Variants in ENOX2 observed in about 807,000 individuals in gnomAD.
The protein encoded by ENOX2 is APK1 antigen.
Under a neutral mutation model 45.0 loss-of-function variants are expected in ENOX2, and 36 were observed. The observed-to-expected ratio is 0.80, with a 90% CI of 0.61 to 1.06. The LOEUF (loss-of-function observed/expected upper bound fraction) is 1.06, where lower values mean the gene tolerates loss of function less well. Ranked by LOEUF, ENOX2 falls within the 50% of genes least tolerant of loss-of-function variation. ENOX2 has a pLI of 0.00. For synonymous variants in ENOX2, 174 were observed against 152.3 expected (o/e 1.14, Z -1.05); for missense variants, 423 against 462.5 (o/e 0.91, Z 0.78).
chrX:130,669,968 T>C lies in ENOX2; in HGVS notation c.691A>G (p.Lys231Glu), dbSNP rs868080062. 1 of 1,194,506 alleles carries C rather than the reference T, an allele frequency of 8.4e-7. No individual in the cohort carries two copies. Among genetic ancestry groups the C allele is most frequent in the African/African-American group, 1.8e-5 (1 of 57,089 alleles). ...HECSIVAEKL[K>E]DDSKFSEAVQ... The stretch of plus-strand genomic sequence containing the variant: ...GAAGCTTGAGTGCCTTTGATACCTT[T>C]TAATTTTTCAGCAACAATGCTGCAT... The change falls in exon 7 of 15, where the codon AAA (lysine) becomes GAA (glutamate). Residue 231 changes from lysine (K) to glutamate (E), a missense_variant. Physicochemically the swap from Lys to Glu is moderately conservative, Grantham distance 56. Around this residue, in one of 5 missense-constraint regions of ENOX2, gnomAD observed 261 missense variants for 306.8 expected, o/e 0.85. Coordinates refer to ENST00000394363, the MANE Select transcript of ENOX2 (RefSeq NM_006375.4).
At chrX:130,629,814 C>T (rs1463351716) in intron 13 of ENOX2, among the ~76,000 whole-genome samples, 1 of 111,924 alleles carries the variant, frequency 8.9e-6, no homozygotes, top group Non-Finnish European at 1.9e-5. Context: ...TAAGACCAGT[C>T]ACTCTTAAAT....
intron 3 of ENOX2, among the ~76,000 whole-genome samples, chrX:130,737,270 C>T (rs149792327): frequency 5.3e-5 from 6 of 112,265 alleles, no homozygotes; most frequent in Admixed American, 9.4e-5. Context: ...AAGAGCACCA[C>T]GATACCCAGA....
chrX:130,704,447 T>C (rs921367794), intron 3 of ENOX2, among the ~76,000 whole-genome samples: 1 of 111,530 alleles, frequency 9.0e-6, no homozygotes, highest in African/African-American at 3.3e-5. Context: ...GGGAGAGATA[T>C]AGTCATGAGT....
intron 10 of ENOX2, among the ~76,000 whole-genome samples, chrX:130,648,561 T>C (rs1305432097): frequency 8.9e-6 from 1 of 112,135 alleles, no homozygotes; most frequent in Non-Finnish European, 1.9e-5. Flanking sequence ...AAAGAACTTG[T>C]GCATTACCAA....
At chrX:130,725,231 C>T (rs887064974) in intron 3 of ENOX2, among the ~76,000 whole-genome samples, 24 of 109,338 alleles carry the variant, frequency 2.2e-4, no homozygotes, top group Admixed American at 2.1e-3. Context: ...TTTAAAATTG[C>T]TTCCCAGTCA....
At chrX:130,755,924 C>T (rs749228709) in intron 3 of ENOX2, among the ~76,000 whole-genome samples, 59 of 111,172 alleles carry the variant, frequency 5.3e-4, no homozygotes, top group Middle Eastern at 4.6e-3. Flanking sequence ...TCACTATCTT[C>T]ATGAGCATGA....
At chrX:130,891,692 G>C (rs899755113) in intron 2 of ENOX2, among the ~76,000 whole-genome samples, 5 of 108,405 alleles carry the variant, frequency 4.6e-5, no homozygotes, top group Non-Finnish European at 7.6e-5. Flanking sequence ...TACAGTACTT[G>C]ACTGGTACTG....
At chrX:130,632,405 C>T (rs1286905270) in intron 12 of ENOX2, among the ~76,000 whole-genome samples, 1 of 92,399 alleles carries the variant, frequency 1.1e-5, no homozygotes, top group Non-Finnish European at 2.2e-5. Context: ...AGGTGAAATC[C>T]ATGACCAGCA....
At chrX:130,778,921 G>C (rs986006196) in intron 3 of ENOX2, among the ~76,000 whole-genome samples, 1 of 112,581 alleles carries the variant, frequency 8.9e-6, no homozygotes, top group African/African-American at 3.2e-5. Flanking sequence ...CTCTTCCAGA[G>C]AGCTGACACC....
chrX:130,698,634 T>G (rs528150335), intron 4 of ENOX2, among the ~76,000 whole-genome samples: 1 of 112,127 alleles, frequency 8.9e-6, no homozygotes, highest in East Asian at 2.8e-4. Flanking sequence ...ATACTCTATT[T>G]GTGGCAGATA....
At chrX:130,667,815 G>A in intron 7 of ENOX2, 73 bp from the exon 8 acceptor site, 1 of 829,610 alleles carries the variant, frequency 1.2e-6, no homozygotes. Context: ...TGCTGGCAAA[G>A]AGGGCATCAT....
intron 2 of ENOX2, among the ~76,000 whole-genome samples, chrX:130,827,979 A>G (rs1444135513): frequency 1.8e-5 from 2 of 111,858 alleles, no homozygotes; most frequent in Non-Finnish European, 3.8e-5. Context: ...AGCAAAAGAG[A>G]TAAGGACAGA....
intron 3 of ENOX2, among the ~76,000 whole-genome samples, chrX:130,754,551 C>T (rs1025767983): frequency 1.8e-5 from 2 of 111,723 alleles, no homozygotes; most frequent in East Asian, 5.6e-4. Flanking sequence ...GAATACTATG[C>T]AGCCATAAAA....
intron 3 of ENOX2, among the ~76,000 whole-genome samples, chrX:130,716,923 A>C (rs1168324585): frequency 8.9e-6 from 1 of 111,777 alleles, no homozygotes; most frequent in Non-Finnish European, 1.9e-5. Flanking sequence ...CATCACCTTT[A>C]ATCTATTTGT....
At chrX:130,728,622 T>C (rs1425950962) in intron 3 of ENOX2, among the ~76,000 whole-genome samples, 1 of 111,415 alleles carries the variant, frequency 9.0e-6, no homozygotes, top group Non-Finnish European at 1.9e-5. Flanking sequence ...ATAGTTAATA[T>C]TTATATTAAA....
chrX:130,795,117 C>T (rs964744477), intron 2 of ENOX2, among the ~76,000 whole-genome samples: 10 of 112,271 alleles, frequency 8.9e-5, no homozygotes, highest in Non-Finnish European at 1.7e-4. Flanking sequence ...AGAAATAACC[C>T]TCGCTGTTGG....
chrX:130,679,544 G>C lies in ENOX2; in HGVS notation c.458C>G (p.Ser153Cys). The change falls in exon 6 of 15, where the codon TCT (serine) becomes TGT (cysteine). Residue 153 changes from serine (S) to cysteine (C), a missense_variant and splice_region_variant. By Grantham distance (112) the Ser-to-Cys change is moderately radical. Transcript: ENST00000394363. ...AATCCTCACATCTAAACACCTACCA[G>C]ACAGATACAGGGCTTTGTCCACCAT... ...EYMVDKALYL[S>C]GYRIRLGSST... The C allele has an allele frequency of 8.3e-7, 1 of 1,202,312 alleles. No homozygotes were observed. Among genetic ancestry groups the C allele is most frequent in the African/African-American group, 1.7e-5 (1 of 57,646 alleles).
intron 2 of ENOX2, among the ~76,000 whole-genome samples, chrX:130,889,524 T>C (rs2078954183): frequency 2.7e-5 from 3 of 110,616 alleles, no homozygotes; most frequent in African/African-American, 6.6e-5. Flanking sequence ...TAACAGGTAA[T>C]TGGTAGCTAA....
chrX:130,628,687 G>A (rs1214624785), intron 13 of ENOX2, among the ~76,000 whole-genome samples: 1 of 112,047 alleles, frequency 8.9e-6, no homozygotes, highest in African/African-American at 3.2e-5. Flanking sequence ...TCCATGCTTA[G>A]AGCCTTGAAT....
Sources: gnomAD v4.1 joint callset for allele counts (sites outside exome capture counted in the v4.1 genomes callset) on GRCh38, gnomAD v4.1.1 for gene constraint, gnomAD v4.1.1 regional missense constraint, MANE v1.5 for transcripts, NCBI Gene and HGNC (gene_info 2026-07-23, HGNC 2026-07-21) for gene names.